NAALADL2: variants seen among roughly 807,000 people sequenced by gnomAD.
The protein encoded by NAALADL2 is N-acetylated alpha-linked acidic dipeptidase like 2, also known as inactive N-acetylated-alpha-linked acidic dipeptidase-like protein 2.
In NAALADL2, 76 loss-of-function variants were observed where a neutral mutation model predicts 87.2. The observed-to-expected ratio is 0.87, with a 90% CI of 0.72 to 1.05. The LOEUF (loss-of-function observed/expected upper bound fraction) is 1.05. Among genes scored for constraint, NAALADL2 ranks in the 50% least tolerant of loss-of-function variants. The pLI is 0.00. For missense variants in NAALADL2, 1,089 were observed against 945.8 expected, an observed-to-expected ratio of 1.15 and a Z score of -1.99; for synonymous variants, 354 against 331.0, an observed-to-expected ratio of 1.07 and a Z score of -0.75.
chr3:175,265,878 T>G (rs1298908472), intron 4 of NAALADL2, among the ~76,000 whole-genome samples: 1 of 151,408 alleles, frequency 6.6e-6, no homozygotes, highest in Non-Finnish European at 1.5e-5. Context: ...AATAAGTAAC[T>G]GCTAATATAT....
intron 1 of NAALADL2, among the ~76,000 whole-genome samples, chr3:174,862,813 T>A (rs1190479216): frequency 6.6e-6 from 1 of 152,144 alleles, no homozygotes; most frequent in Non-Finnish European, 1.5e-5. Flanking sequence ...GCCTACCAGC[T>A]GCCTGGATGT....
rs148270639 is a variant in NAALADL2, at chr3:174,502,051, T to C, written c.-183-48518T>C. Among the ~76,000 whole-genome samples the C allele has an allele frequency of 6.9e-4, 105 of 152,260 alleles. 2 individuals are homozygous for C. The East Asian group carries it at 0.02, about 29-fold the overall frequency. On this transcript the variant is annotated intron_variant, in intron 1 of 3. Coordinates refer to the NAALADL2 transcript ENST00000434257. The stretch of plus-strand genomic sequence containing the variant: ...GTTGAGTTTATTTTTCTTGGATTAG[T>C]TTTTTATTTTATAGGTTAAGAAGGA...
rs191382408 is a variant in NAALADL2 at position 174,764,645 on chromosome 3, A to G, written c.-9+26899A>G. Among the ~76,000 whole-genome samples, 792 of 152,282 alleles carry G rather than the reference A, an allele frequency of 5.2e-3. 8 individuals are homozygous for G. Among genetic ancestry groups the G allele is most frequent in the African/African-American group, 0.018 (761 of 41,570 alleles). ...AAACAAACAAAAATAAATAAAAAGC[A>G]AACAAAACAAATATCACACTGCTAT... On this transcript the variant is annotated intron_variant, in intron 3 of 3. Transcript: ENST00000434257.
chr3:174,958,926 A>G (rs2108545605), intron 1 of NAALADL2, among the ~76,000 whole-genome samples: 1 of 152,178 alleles, frequency 6.6e-6, no homozygotes, highest in Non-Finnish European at 1.5e-5. Flanking sequence ...AGTGCAATCA[A>G]TTGTTTATGT....
chr3:175,528,172 T>C (rs145728902), intron 9 of NAALADL2, among the ~76,000 whole-genome samples: 199 of 151,898 alleles, frequency 1.3e-3, no homozygotes, highest in African/African-American at 4.1e-3. Context: ...GATATACATG[T>C]ATATATATAT....
chr3:174,688,600 C>T (rs1426085256), intron 2 of NAALADL2, among the ~76,000 whole-genome samples: 1 of 151,876 alleles, frequency 6.6e-6, no homozygotes, highest in Non-Finnish European at 1.5e-5. Context: ...ATTTAGAAAA[C>T]TGAGAAATTG....
chr3:175,415,989 G>A (rs552772128), intron 5 of NAALADL2, among the ~76,000 whole-genome samples: 1 of 151,456 alleles, frequency 6.6e-6, no homozygotes, highest in Admixed American at 6.6e-5. Flanking sequence ...AGGGCATGAT[G>A]GTGCATACCT....
chr3:175,536,906 C>T (rs527328599), intron 9 of NAALADL2, among the ~76,000 whole-genome samples: 2 of 152,106 alleles, frequency 1.3e-5, no homozygotes, highest in Non-Finnish European at 2.9e-5. Flanking sequence ...GGCGTGAACC[C>T]GGGAGGCGGA....
At chr3:175,700,514 T>C (rs1036199044) in intron 11 of NAALADL2, among the ~76,000 whole-genome samples, 1 of 152,182 alleles carries the variant, frequency 6.6e-6, no homozygotes, top group African/African-American at 2.4e-5. Flanking sequence ...ATGATACGTA[T>C]TGAAGATCTT....
chr3:175,055,250 G>T (rs111823681), intron 1 of NAALADL2, among the ~76,000 whole-genome samples: 2,629 of 152,222 alleles, frequency 0.017, 69 homozygotes, highest in African/African-American at 0.06. Flanking sequence ...ATCAGGAGCT[G>T]TGCTATACGC....
chr3:174,763,141 TAAAAA>T (rs11391398), intron 3 of NAALADL2, among the ~76,000 whole-genome samples: 2 of 148,442 alleles, frequency 1.3e-5, no homozygotes, highest in African/African-American at 4.9e-5. Flanking sequence ...CTTATTTTAC[TAAAAA>T]AAAAAGTTCT....
In NAALADL2 at chr3:174,966,852, T is replaced by C. The variant is rs573160370; in HGVS notation, c.43+107402T>C. 1.2e-3 allele frequency among the ~76,000 whole-genome samples: 178 copies of C among 152,166 alleles called. 1 individual carries two copies. Among genetic ancestry groups the C allele is most frequent in the African/African-American group, 4.1e-3 (169 of 41,512 alleles). On this transcript the variant is annotated intron_variant, in intron 1 of 13. Coordinates refer to ENST00000454872, the MANE Select transcript of NAALADL2 (RefSeq NM_207015.3). The stretch of plus-strand genomic sequence containing the variant: ...GATTGTAGGTATAGGGTTAGAGAAA[T>C]TGAGACGATCTGAATCCCTGGAAAA...
chr3:175,415,815 A>T (rs948591304), intron 5 of NAALADL2, among the ~76,000 whole-genome samples: 3 of 144,238 alleles, frequency 2.1e-5, no homozygotes, highest in African/African-American at 5.1e-5. Flanking sequence ...TTTATACATT[A>T]AAAAAAAAAA....
intron 2 of NAALADL2, among the ~76,000 whole-genome samples, chr3:174,552,071 G>A (rs556500494): frequency 6.6e-6 from 1 of 152,252 alleles, no homozygotes; most frequent in South Asian, 2.1e-4. Context: ...CTAGTGCCTT[G>A]TGGATACTAA....
At chr3:175,362,134 C>T (rs1211096533) in intron 5 of NAALADL2, among the ~76,000 whole-genome samples, 1 of 148,130 alleles carries the variant, frequency 6.8e-6, no homozygotes, top group African/African-American at 2.5e-5. Flanking sequence ...ATCCTTTTCC[C>T]ATTTATTGTT....
In NAALADL2 at chr3:174,727,521, A is replaced by G. The variant is rs1449767685; in HGVS notation, c.-114-10120A>G. ...ATAGGTTTTGTTTAACTCACACAGT[A>G]TGTGTGTTTTAATTTTATTCACTTG... On this transcript the variant is annotated intron_variant, in intron 2 of 3. Transcript: ENST00000434257. 2.0e-5 allele frequency among the ~76,000 whole-genome samples: 3 copies of G among 152,092 alleles called. No homozygotes were observed. In the East Asian group the frequency reaches 5.8e-4, roughly 29 times the overall value.
chr3:175,674,286 G>A (rs1236615734), intron 11 of NAALADL2, among the ~76,000 whole-genome samples: 1 of 149,102 alleles, frequency 6.7e-6, no homozygotes, highest in East Asian at 1.9e-4. Context: ...TTGAGTTGGA[G>A]TCTATCTCTG....
At chr3:175,524,523 C>T (rs933171204) in intron 9 of NAALADL2, among the ~76,000 whole-genome samples, 12 of 152,106 alleles carry the variant, frequency 7.9e-5, no homozygotes, top group Admixed American at 7.2e-4. Flanking sequence ...CAAATGCTAA[C>T]ATCTAAGTAG....
intron 1 of NAALADL2, among the ~76,000 whole-genome samples, chr3:174,869,289 G>A (rs1727508299): frequency 6.6e-6 from 1 of 152,024 alleles, no homozygotes; most frequent in Admixed American, 6.5e-5. Flanking sequence ...CCACACTTTG[G>A]AAATGGGAGA....
Sources: gnomAD v4.1 joint callset for allele counts (sites outside exome capture counted in the v4.1 genomes callset) on GRCh38, gnomAD v4.1.1 for gene constraint, MANE v1.5 for transcripts, NCBI Gene and HGNC (gene_info 2026-07-23, HGNC 2026-07-21) for gene names.